Variants in NTRK3 observed in about 807,000 individuals in gnomAD.
NTRK3 encodes neurotrophic receptor tyrosine kinase 3.
A neutral mutation model predicts 91.7 loss-of-function variants in NTRK3; 24 were observed. That is an observed-to-expected ratio of 0.26 (90% CI 0.19 to 0.37). The LOEUF (loss-of-function observed/expected upper bound fraction) is 0.37. Ranked by LOEUF, NTRK3 falls within the 10% of genes least tolerant of loss-of-function variation. The pLI, the probability that NTRK3 is intolerant of heterozygous loss-of-function variation, is 1.00. For missense variants in NTRK3, 880 were observed against 1,068.9 expected, an observed-to-expected ratio of 0.82 and a Z score of 2.46; for synonymous variants, 483 against 404.0, an observed-to-expected ratio of 1.20 and a Z score of -2.34.
chr15:88,045,185 A>G (rs896031826), intron 13 of NTRK3, among the ~76,000 whole-genome samples: 1 of 152,212 alleles, frequency 6.6e-6, no homozygotes, highest in Non-Finnish European at 1.5e-5. Flanking sequence ...TATCTTGTGG[A>G]CAAGTCACAG....
In NTRK3 at chr15:88,112,107, A is replaced by C. The variant is rs371853463; in HGVS notation, c.1396+14164T>G. 7.8e-3 allele frequency among the ~76,000 whole-genome samples: 1,188 copies of C among 151,954 alleles called. 7 individuals are homozygous for C. Among genetic ancestry groups the C allele is most frequent in the South Asian group, 0.031 (149 of 4,806 alleles). On this transcript the variant is annotated intron_variant, in intron 13 of 18. Coordinates refer to ENST00000394480, the Ensembl canonical transcript of NTRK3. ...ATTTTTAGTAGAGACAGGGTTTCAC[A>C]ATGTTAGCCAGGATGGTCTTGATCT...
chr15:87,970,906 G>T (rs1283323782), intron 14 of NTRK3, among the ~76,000 whole-genome samples: 1 of 152,174 alleles, frequency 6.6e-6, no homozygotes, highest in East Asian at 1.9e-4. Context: ...ACCAATTTAT[G>T]CAGGATAACA....
intron 13 of NTRK3, among the ~76,000 whole-genome samples, chr15:88,117,856 G>A (rs1304513585): frequency 2.0e-5 from 3 of 152,194 alleles, no homozygotes; most frequent in Non-Finnish European, 2.9e-5. Context: ...TGAGTGCAAG[G>A]GCCAGAGATA....
chr15:87,874,437 C>A (rs957465142), exon 19 of NTRK3: 1 of 230,910 alleles, frequency 4.3e-6, no homozygotes, highest in African/African-American at 2.2e-5. Context: ...CAAGGAATCA[C>A]CTTCTTTCAT....
At chr15:88,089,645 GCTC>G (rs1567376104) in intron 13 of NTRK3, among the ~76,000 whole-genome samples, 1 of 152,170 alleles carries the variant, frequency 6.6e-6, no homozygotes, top group African/African-American at 2.4e-5. Context: ...CCAGAAAGAT[GCTC>G]CCCTTGCATG....
chr15:88,254,532 G>T (rs1204879343), intron 3 of NTRK3, among the ~76,000 whole-genome samples: 1 of 152,176 alleles, frequency 6.6e-6, no homozygotes, highest in African/African-American at 2.4e-5. Flanking sequence ...ACTGTCAGCT[G>T]CGAGAGCGCA....
At chr15:87,982,034 C>T (rs935993197) in intron 14 of NTRK3, among the ~76,000 whole-genome samples, 2 of 152,160 alleles carry the variant, frequency 1.3e-5, no homozygotes, top group Non-Finnish European at 2.9e-5. Context: ...GACCATGCAG[C>T]ATTTGTGGGC....
chr15:88,149,064 G>C (rs1270627738), intron 5 of NTRK3, among the ~76,000 whole-genome samples: 1 of 152,212 alleles, frequency 6.6e-6, no homozygotes, highest in Non-Finnish European at 1.5e-5. Context: ...AAGTCAAATT[G>C]CCTGCTGGAT....
intron 3 of NTRK3, among the ~76,000 whole-genome samples, chr15:88,217,589 G>A (rs908133237): frequency 6.6e-6 from 1 of 152,128 alleles, no homozygotes; most frequent in Non-Finnish European, 1.5e-5. Context: ...GCCAGGGGAG[G>A]GGGGAATGGG....
At chr15:88,057,903 A>G (rs2045866504) in intron 13 of NTRK3, among the ~76,000 whole-genome samples, 1 of 152,188 alleles carries the variant, frequency 6.6e-6, no homozygotes, top group African/African-American at 2.4e-5. Context: ...CTCTGATGAT[A>G]CGCTGGGAGA....
At chr15:87,929,410 G>A (rs369034756) in exon 17 of NTRK3, 1 of 1,614,076 alleles carries the variant, frequency 6.2e-7, no homozygotes, top group Non-Finnish European at 8.5e-7. Flanking sequence ...CATCCACAAG[G>A]ATCATTGCAT....
chr15:88,190,911 G>A (rs1380974533), intron 3 of NTRK3, among the ~76,000 whole-genome samples: 9 of 152,168 alleles, frequency 5.9e-5, no homozygotes, highest in East Asian at 3.9e-4. Flanking sequence ...TAAAGTAAGC[G>A]TAAATAGGAT....
chr15:88,178,916 C>T (rs2046230780), intron 5 of NTRK3, among the ~76,000 whole-genome samples: 1 of 152,126 alleles, frequency 6.6e-6, no homozygotes, highest in African/African-American at 2.4e-5. Flanking sequence ...GAAGTTCTTG[C>T]TGTGAAAACC....
At chr15:88,009,215 C>T (rs1462148545) in intron 14 of NTRK3, among the ~76,000 whole-genome samples, 1 of 152,140 alleles carries the variant, frequency 6.6e-6, no homozygotes, top group Non-Finnish European at 1.5e-5. Context: ...ATGATATTAG[C>T]TAACATTGAA....
chr15:88,008,813 G>A (rs1333906388), intron 14 of NTRK3, among the ~76,000 whole-genome samples: 1 of 152,030 alleles, frequency 6.6e-6, no homozygotes, highest in East Asian at 1.9e-4. Context: ...GACCACTAAC[G>A]GAAATGGAAT....
chr15:88,093,338 T>C (rs1473934025), intron 13 of NTRK3, among the ~76,000 whole-genome samples: 4 of 152,118 alleles, frequency 2.6e-5, no homozygotes, highest in Non-Finnish European at 5.9e-5. Context: ...GGGATGATAT[T>C]CTCCTATAAC....
intron 15 of NTRK3, among the ~76,000 whole-genome samples, chr15:87,933,526 T>C (rs1434701898): frequency 6.6e-6 from 1 of 152,270 alleles, no homozygotes; most frequent in Non-Finnish European, 1.5e-5. Context: ...CAAAAGCCCC[T>C]GCTCCTAAGG....
intron 14 of NTRK3, among the ~76,000 whole-genome samples, chr15:88,006,816 T>C (rs1463451823): frequency 6.6e-6 from 1 of 152,160 alleles, no homozygotes; most frequent in Non-Finnish European, 1.5e-5. Context: ...GACTCACACA[T>C]GCACAGCCCA....
At position 88,187,121 on chromosome 15, in the gene NTRK3, T is replaced by C. The variant is rs138619423; in HGVS notation, c.249-2822A>G. ...GCCTTACGGAAACTGAGCAGTCTTGTTCTCAGTTTTCAAGCTAAAAATGGT... is the reference window on the plus strand; with the variant it reads ...GCCTTACGGAAACTGAGCAGTCTTGCTCTCAGTTTTCAAGCTAAAAATGGT... On this transcript the variant is annotated intron_variant, in intron 3 of 18. Transcript: ENST00000394480. Among the ~76,000 whole-genome samples, 15 of 152,252 alleles carry C rather than the reference T, an allele frequency of 9.9e-5. No individual in the cohort carries two copies. The East Asian group carries it at 2.5e-3, about 25-fold the overall frequency.
Sources: allele counts gnomAD v4.1 joint callset (sites outside exome capture counted in the v4.1 genomes callset), GRCh38; gene constraint gnomAD v4.1.1; transcripts MANE v1.5; gene names NCBI Gene and HGNC (gene_info 2026-07-23, HGNC 2026-07-21).